Variants in CADPS observed in about 807,000 individuals in gnomAD.
The protein encoded by CADPS is calcium-dependent secretion activator 1.
In CADPS, 57 loss-of-function variants were observed where a neutral mutation model predicts 167.3. That is an observed-to-expected ratio of 0.34 (90% CI 0.28 to 0.42). The LOEUF is 0.42. Ranked by LOEUF, CADPS falls within the 20% of genes least tolerant of loss-of-function variation. The pLI, the probability that CADPS is intolerant of heterozygous loss-of-function variation, is 1.00. For synonymous variants in CADPS, 676 were observed against 635.3 expected, an observed-to-expected ratio of 1.06 and a Z score of -0.96; for missense variants, 1,414 against 1,738.1, an observed-to-expected ratio of 0.81 and a Z score of 3.32.
In CADPS at chr3:62,438,274, T is replaced by C; in HGVS notation, c.3670-63A>G. On this transcript the variant is annotated intron_variant, in intron 27 of 29. Coordinates refer to ENST00000383710, the MANE Select transcript of CADPS (RefSeq NM_003716.4). The surrounding 1 kb of genome is among the most constrained non-coding windows in gnomAD (Gnocchi z 4.7). ...GACAGCCACTCTTCCTTGTTTACCA[T>C]TCACTTGTACCCTCTACTTGCCCTC... The C allele has an allele frequency of 4.1e-6, 5 of 1,231,136 alleles. No individual in the cohort carries two copies. Among genetic ancestry groups the C allele is most frequent in the South Asian group, 1.2e-5 (1 of 80,814 alleles). The allele number at this position is 1,231,136 out of a possible 1,614,324, so 76.3% of individuals were successfully genotyped here.
At chr3:62,445,727 C>T in intron 27 of CADPS, 38 bp downstream of exon 27, 1 of 927,148 alleles carries the variant, frequency 1.1e-6, no homozygotes, top group Non-Finnish European at 1.5e-6. Context: ...AAAAAAAAAA[C>T]AAAAAAACCC....
At chr3:62,742,685 C>T (rs1422622670) in intron 3 of CADPS, among the ~76,000 whole-genome samples, 1 of 152,120 alleles carries the variant, frequency 6.6e-6, no homozygotes, top group Non-Finnish European at 1.5e-5. Flanking sequence ...GGAAGACAAC[C>T]TAGGCAATAC....
intron 3 of CADPS, among the ~76,000 whole-genome samples, chr3:62,676,133 C>A (rs1201924628): frequency 6.6e-6 from 1 of 152,108 alleles, no homozygotes; most frequent in African/African-American, 2.4e-5. Flanking sequence ...CCCTTTTATG[C>A]TAACATTCCT....
At chr3:62,640,223 G>T (rs368167300) in intron 6 of CADPS, among the ~76,000 whole-genome samples, 17 of 152,272 alleles carry the variant, frequency 1.1e-4, no homozygotes, top group Middle Eastern at 3.4e-3. Flanking sequence ...CTGCCTTGAT[G>T]TAAACCATTC....
chr3:62,758,717 A>G (rs766539257), intron 2 of CADPS, among the ~76,000 whole-genome samples: 3 of 152,212 alleles, frequency 2.0e-5, no homozygotes, highest in Non-Finnish European at 2.9e-5. Context: ...TTTTCTGCCA[A>G]CTTCCAGACA....
chr3:62,416,176 TG>T (rs2050024909), intron 28 of CADPS, among the ~76,000 whole-genome samples: 1 of 152,214 alleles, frequency 6.6e-6, no homozygotes, highest in South Asian at 2.1e-4. Context: ...CAGGTGACGG[TG>T]GGGTGGATTT....
At chr3:62,742,124 G>C (rs1184661512) in intron 3 of CADPS, among the ~76,000 whole-genome samples, 1 of 152,152 alleles carries the variant, frequency 6.6e-6, no homozygotes, top group Admixed American at 6.5e-5. Flanking sequence ...AGAAATCAGA[G>C]ATGACACAAA....
chr3:62,774,325 G>A (rs993885180), intron 1 of CADPS, among the ~76,000 whole-genome samples: 1 of 151,350 alleles, frequency 6.6e-6, no homozygotes, highest in Non-Finnish European at 1.5e-5. Context: ...GAGGCACTCA[G>A]TTAAAAAAAA....
chr3:62,771,784 G>A (rs765854944), intron 1 of CADPS, among the ~76,000 whole-genome samples: 5 of 152,170 alleles, frequency 3.3e-5, no homozygotes, highest in East Asian at 1.9e-4. Context: ...TCTTGGTTCC[G>A]TCTACCTCAT....
At chr3:62,583,303 C>T (rs2083862140) in intron 8 of CADPS, among the ~76,000 whole-genome samples, 1 of 152,010 alleles carries the variant, frequency 6.6e-6, no homozygotes, top group African/African-American at 2.4e-5. Flanking sequence ...CTACAGAAAC[C>T]TAACTGAATT....
intron 3 of CADPS, among the ~76,000 whole-genome samples, chr3:62,670,865 G>A (rs999748894): frequency 3.9e-5 from 6 of 152,098 alleles, no homozygotes; most frequent in Non-Finnish European, 7.4e-5. Flanking sequence ...AGCCCTCCTT[G>A]ATTACTTTAG....
chr3:62,722,735 C>T (rs2076046439), intron 3 of CADPS, among the ~76,000 whole-genome samples: 1 of 152,220 alleles, frequency 6.6e-6, no homozygotes, highest in African/African-American at 2.4e-5. Context: ...CATAACCACA[C>T]ATGAACAGAT....
intron 17 of CADPS, 185 bp from the exon 18 acceptor site, chr3:62,499,453 T>C (rs1268848543): frequency 1.1e-5 from 5 of 448,386 alleles, no homozygotes; most frequent in African/African-American, 5.9e-5. Context: ...ATCACCATTA[T>C]TATAATATAT....
chr3:62,551,395 A>T (rs1199548392), intron 10 of CADPS, among the ~76,000 whole-genome samples: 1 of 152,134 alleles, frequency 6.6e-6, no homozygotes, highest in Non-Finnish European at 1.5e-5. Flanking sequence ...TTCCATCTCC[A>T]GTTGCGGCCA....
At chr3:62,718,037 T>G (rs1195784704) in intron 3 of CADPS, among the ~76,000 whole-genome samples, 1 of 151,998 alleles carries the variant, frequency 6.6e-6, no homozygotes, top group Non-Finnish European at 1.5e-5. Flanking sequence ...GAGTAATTTT[T>G]TTTTTCTCTT....
intron 3 of CADPS, among the ~76,000 whole-genome samples, chr3:62,709,039 A>T (rs1301124652): frequency 5.5e-4 from 82 of 150,198 alleles, no homozygotes; most frequent in Non-Finnish European, 2.7e-4. Flanking sequence ...ATTTGAAGGT[A>T]CTTATAAGAG....
chr3:62,419,917 C>T (rs1347816365), intron 28 of CADPS, among the ~76,000 whole-genome samples: 1 of 152,066 alleles, frequency 6.6e-6, no homozygotes, highest in Non-Finnish European at 1.5e-5. Flanking sequence ...ATAATTTGCA[C>T]ACATTAAACT....
At chr3:62,610,120 A>G (rs1023648988) in intron 6 of CADPS, among the ~76,000 whole-genome samples, 23 of 152,210 alleles carry the variant, frequency 1.5e-4, no homozygotes, top group African/African-American at 4.6e-4. Context: ...CAGAAAAAAA[A>G]ACAACAAAAA....
Position 62,433,828 on chromosome 3 carries a change from A to G in CADPS, c.3777+4276T>C, listed in dbSNP as rs1192475861. Reference sequence around the variant, plus strand: ...GAAATCTTAGGTGCGTCTCTTGATGATCTGATCTCTAATTTCAAAAAGCAT... The same window carrying G: ...GAAATCTTAGGTGCGTCTCTTGATGGTCTGATCTCTAATTTCAAAAAGCAT... On this transcript the variant is annotated intron_variant, in intron 28 of 29. Transcript: ENST00000383710. The surrounding 1 kb of genome is among the most constrained non-coding windows in gnomAD (Gnocchi z 4.7). 6.6e-6 allele frequency among the ~76,000 whole-genome samples: 1 copy of G among 152,150 alleles called. No individual in the cohort carries two copies. Among genetic ancestry groups the G allele is most frequent in the Non-Finnish European group, 1.5e-5 (1 of 68,010 alleles).
Sources: allele counts gnomAD v4.1 joint callset (sites outside exome capture counted in the v4.1 genomes callset), GRCh38; gene constraint gnomAD v4.1.1; non-coding constraint Gnocchi (gnomAD v3.1); transcripts MANE v1.5; gene names NCBI Gene and HGNC (gene_info 2026-07-23, HGNC 2026-07-21).